Variants in CADPS2 observed in about 807,000 individuals in gnomAD.
CADPS2 encodes calcium dependent secretion activator 2, also known as calcium-dependent secretion activator 2.
A neutral mutation model predicts 172.5 loss-of-function variants in CADPS2; 93 were observed. That is an observed-to-expected ratio of 0.54 (90% CI 0.46 to 0.64). The LOEUF (loss-of-function observed/expected upper bound fraction) is 0.64. CADPS2 is among the 30% of genes least tolerant of loss of function. CADPS2 has a pLI of 0.00. For synonymous variants in CADPS2, 546 were observed against 555.2 expected (o/e 0.98, Z 0.23); for missense variants, 1,420 against 1,565.9 (o/e 0.91, Z 1.57).
intron 7 of CADPS2, among the ~76,000 whole-genome samples, chr7:122,564,893 A>G (rs762971281): frequency 5.9e-5 from 9 of 151,760 alleles, no homozygotes; most frequent in East Asian, 1.9e-4. Flanking sequence ...CTACCCAGAC[A>G]TAAGAGAGAA....
At chr7:122,357,714 G>T (rs2039597145) in intron 27 of CADPS2, among the ~76,000 whole-genome samples, 1 of 152,124 alleles carries the variant, frequency 6.6e-6, no homozygotes, top group Non-Finnish European at 1.5e-5. Flanking sequence ...TGTAGAATGT[G>T]ATATAAATGG....
At chr7:122,496,929 A>G (rs572923662) in intron 9 of CADPS2, among the ~76,000 whole-genome samples, 1 of 152,152 alleles carries the variant, frequency 6.6e-6, no homozygotes, top group African/African-American at 2.4e-5. Context: ...CATCAAGATT[A>G]TCTCTCTGTG....
chr7:122,686,195 T>TA (rs1225679115), intron 2 of CADPS2, among the ~76,000 whole-genome samples: 3 of 152,208 alleles, frequency 2.0e-5, no homozygotes, highest in Non-Finnish European at 4.4e-5. Flanking sequence ...AATTGCAAAT[T>TA]ATCTAAAATC....
intron 1 of CADPS2, among the ~76,000 whole-genome samples, chr7:122,861,892 T>C (rs980030744): frequency 6.6e-6 from 1 of 152,218 alleles, no homozygotes; most frequent in Non-Finnish European, 1.5e-5. Flanking sequence ...AGCTAGAAGA[T>C]AGTGGAGTAA....
intron 9 of CADPS2, among the ~76,000 whole-genome samples, chr7:122,507,092 A>C (rs1319826444): frequency 6.6e-6 from 1 of 152,160 alleles, no homozygotes; most frequent in Non-Finnish European, 1.5e-5. Flanking sequence ...AATAATAATA[A>C]ACATATAAAT....
chr7:122,762,873 T>C (rs934833770), intron 1 of CADPS2, among the ~76,000 whole-genome samples: 1 of 151,988 alleles, frequency 6.6e-6, no homozygotes, highest in Non-Finnish European at 1.5e-5. Flanking sequence ...CTACAGAGAA[T>C]ATGTTCCACC....
chr7:122,673,845 C>A (rs1438825597), intron 2 of CADPS2, among the ~76,000 whole-genome samples: 5 of 116,038 alleles, frequency 4.3e-5, no homozygotes, highest in African/African-American at 1.6e-4. Flanking sequence ...CAGATGGGAC[C>A]GGGTGCCGTG....
chr7:122,523,553 T>A (rs2060978124), intron 8 of CADPS2, among the ~76,000 whole-genome samples: 1 of 152,148 alleles, frequency 6.6e-6, no homozygotes, highest in African/African-American at 2.4e-5. Flanking sequence ...TAGGTCTTTA[T>A]TCCTTTTTAT....
At chr7:122,702,719 T>C (rs750874091) in intron 2 of CADPS2, 35 of 1,610,146 alleles carry the variant, frequency 2.2e-5, no homozygotes, top group Non-Finnish European at 2.9e-5. Context: ...AACAGAACTA[T>C]GCGTCGAAGG....
At chr7:122,520,639 T>C (rs961900004) in intron 8 of CADPS2, among the ~76,000 whole-genome samples, 1 of 152,040 alleles carries the variant, frequency 6.6e-6, no homozygotes, top group Non-Finnish European at 1.5e-5. Flanking sequence ...AAGAGTAAAA[T>C]GAAATAAAGA....
At chr7:122,678,242 T>G (rs777118101) in intron 2 of CADPS2, among the ~76,000 whole-genome samples, 2 of 152,198 alleles carry the variant, frequency 1.3e-5, no homozygotes, top group Non-Finnish European at 2.9e-5. Context: ...ATTTTAATAT[T>G]CTAATAGTTG....
chr7:122,799,449 C>G (rs1797094149), intron 1 of CADPS2, among the ~76,000 whole-genome samples: 1 of 151,124 alleles, frequency 6.6e-6, no homozygotes, highest in South Asian at 2.1e-4. Context: ...AATACAAAAA[C>G]AAAATTAGCC....
At chr7:122,423,071 A>C (rs111394163) in intron 17 of CADPS2, among the ~76,000 whole-genome samples, 2,784 of 152,254 alleles carry the variant, frequency 0.018, 79 homozygotes, top group African/African-American at 0.064. Flanking sequence ...TTTGAATCTT[A>C]ACTCTGATAT....
At chr7:122,534,048 C>T (rs2062009975) in intron 8 of CADPS2, among the ~76,000 whole-genome samples, 1 of 152,120 alleles carries the variant, frequency 6.6e-6, no homozygotes, top group African/African-American at 2.4e-5. Flanking sequence ...TCACATTCAA[C>T]TCCTTTATTA....
At chr7:122,593,846 G>C (rs573449885) in intron 6 of CADPS2, among the ~76,000 whole-genome samples, 1 of 151,814 alleles carries the variant, frequency 6.6e-6, no homozygotes, top group South Asian at 2.1e-4. Flanking sequence ...AGGGAGAGAA[G>C]GGGGAGAAGA....
chr7:122,456,424 C>T (rs1197746031), intron 14 of CADPS2, among the ~76,000 whole-genome samples: 3 of 151,624 alleles, frequency 2.0e-5, no homozygotes, highest in South Asian at 2.1e-4. Flanking sequence ...TTTTCTGGGG[C>T]CTGTAGTTAT....
chr7:122,759,091 T>C (rs577241343), intron 1 of CADPS2, among the ~76,000 whole-genome samples: 2 of 152,236 alleles, frequency 1.3e-5, no homozygotes, highest in African/African-American at 4.8e-5. Flanking sequence ...TTCTATGAAG[T>C]TGAGTAAGAC....
At chr7:122,732,729 C>CATATA (rs2091772892) in intron 2 of CADPS2, among the ~76,000 whole-genome samples, 1 of 143,362 alleles carries the variant, frequency 7.0e-6, no homozygotes, top group Non-Finnish European at 1.5e-5. Flanking sequence ...TATTACATAT[C>CATATA]ATTATATATT....
At chr7:122,739,308 A>G (rs1292088091) in intron 1 of CADPS2, among the ~76,000 whole-genome samples, 2 of 152,194 alleles carry the variant, frequency 1.3e-5, no homozygotes, top group Admixed American at 6.5e-5. Flanking sequence ...AATAAAATAC[A>G]TACTCTTCAA....
Sources: gnomAD v4.1 joint callset for allele counts (sites outside exome capture counted in the v4.1 genomes callset) on GRCh38, gnomAD v4.1.1 for gene constraint, MANE v1.5 for transcripts, NCBI Gene and HGNC (gene_info 2026-07-23, HGNC 2026-07-21) for gene names.